The following ADCY3 variants were observed in gnomAD, a reference collection of about 807,000 sequenced individuals.
ADCY3 encodes adenylate cyclase type 3.
In ADCY3, 70 loss-of-function variants were observed where a neutral mutation model predicts 119.4. The observed-to-expected ratio is 0.59, with a 90% confidence interval of 0.48 to 0.72. ADCY3 has a LOEUF of 0.72. ADCY3 is among the 30% of genes least tolerant of loss of function. The probability of loss-of-function intolerance (pLI) is 0.00; values close to 1 mark genes in which losing one functional copy is unlikely to be tolerated. For synonymous variants in ADCY3, 672 were observed against 621.4 expected (o/e 1.08, Z -1.21); for missense variants, 1,238 against 1,541.6 (o/e 0.80, Z 3.30).
At chr2:24,887,905 T>C (rs1222039071) in intron 2 of ADCY3, among the ~76,000 whole-genome samples, 1 of 152,184 alleles carries the variant, frequency 6.6e-6, no homozygotes, top group East Asian at 1.9e-4. Context: ...GTGTTACCTA[T>C]TATTGTTAGG....
At chr2:24,909,242 T>C (rs1356214945) in intron 2 of ADCY3, among the ~76,000 whole-genome samples, 1 of 152,174 alleles carries the variant, frequency 6.6e-6, no homozygotes, top group Admixed American at 6.5e-5. Context: ...TCCTGCACCA[T>C]GTCGACTTCA....
At chr2:24,868,381 A>G (rs917073511) in intron 3 of ADCY3, among the ~76,000 whole-genome samples, 2 of 152,232 alleles carry the variant, frequency 1.3e-5, no homozygotes, top group Middle Eastern at 6.3e-3. Flanking sequence ...GGTCATCTGA[A>G]GTTCTATTTT....
chr2:24,828,253 G>C, intron 13 of ADCY3, 92 bp from the exon 14 acceptor site: 1 of 1,458,286 alleles, frequency 6.9e-7, no homozygotes, highest in Non-Finnish European at 9.3e-7. Flanking sequence ...ACGCTCAGCT[G>C]CCACCTCCCG....
At chr2:24,847,471 G>A (rs1351183358) in intron 3 of ADCY3, among the ~76,000 whole-genome samples, 3 of 152,194 alleles carry the variant, frequency 2.0e-5, no homozygotes, top group Non-Finnish European at 4.4e-5. Context: ...CTACAGCTCA[G>A]GAATGAGAAG....
At chr2:24,854,585 G>C (rs1672782581) in intron 3 of ADCY3, among the ~76,000 whole-genome samples, 1 of 152,184 alleles carries the variant, frequency 6.6e-6, no homozygotes, top group Non-Finnish European at 1.5e-5. Context: ...CTTTTGTTCT[G>C]CTGAAATCTG....
rs191047121 is a variant in ADCY3 at position 24,834,577 on chromosome 2, C to T, written c.1875G>A (p.Ser625=). The T allele has an allele frequency of 5.1e-5, 83 of 1,614,092 alleles. No individual in the cohort carries two copies. Among genetic ancestry groups the T allele is most frequent in the East Asian group, 1.1e-4 (5 of 44,866 alleles). ...CCCCACTCTGCTTCTCCTTCTCCAC[C>T]GAGTAGCGGGTTTCCATCTCGGGGT... ...FMDPEMETRY[S]VEKEKQSGAA... Residue 625 remains serine (S), a synonymous_variant, in exon 11 of 22, where the codon TCG becomes TCA. Coordinates refer to ENST00000679454, the MANE Select transcript of ADCY3 (RefSeq NM_004036.5). The surrounding 1 kb of genome is among the most constrained non-coding windows in gnomAD (Gnocchi z 4.2).
At chr2:24,905,626 C>T (rs1190704768) in intron 2 of ADCY3, among the ~76,000 whole-genome samples, 4 of 152,202 alleles carry the variant, frequency 2.6e-5, no homozygotes, top group Admixed American at 6.5e-5. Context: ...ACCAGGCGCC[C>T]TTGAGACATC....
At chr2:24,823,665 A>T (rs1668146259) in intron 17 of ADCY3, among the ~76,000 whole-genome samples, 1 of 149,412 alleles carries the variant, frequency 6.7e-6, no homozygotes, top group South Asian at 2.2e-4. Context: ...CCAACTCTGA[A>T]TAATTTAAAA....
intron 2 of ADCY3, among the ~76,000 whole-genome samples, chr2:24,879,337 G>A (rs376272513): frequency 3.9e-5 from 6 of 151,902 alleles, no homozygotes; most frequent in South Asian, 4.2e-4. Flanking sequence ...TTAGCCAGGC[G>A]TGGTGGGCAG....
Position 24,919,210 on chromosome 2 carries a change from GC to G in ADCY3, c.-197-27del. On this transcript the variant is annotated intron_variant, in intron 1 of 21. Transcript: ENST00000679454. This position sits in a 1 kb window ranked among gnomAD's most constrained non-coding sequence, Gnocchi z 5.5. Reference sequence around the variant, plus strand: ...CTGAAAAGGGCATTGCTGAGTAGAAGCACCTCTTCCCTCCTACCTTGCGGTT... The same window carrying G: ...CTGAAAAGGGCATTGCTGAGTAGAAGACCTCTTCCCTCCTACCTTGCGGTT... 1 of 564,408 alleles carries G rather than the reference GC, an allele frequency of 1.8e-6. No homozygotes were observed. The allele number at this position is 564,408 out of a possible 1,614,324, so 35.0% of individuals were successfully genotyped here.
chr2:24,878,563 G>A lies in ADCY3; in HGVS notation c.676-5844C>T, dbSNP rs1572968214. ...GACCTATGACGTTCTGCGGCTGGAG[G>A]CCAGCCGCACGGGAAACTCGTCATT... On this transcript the variant is annotated intron_variant, in intron 2 of 21. Transcript: ENST00000679454. This position sits in a 1 kb window ranked among gnomAD's most constrained non-coding sequence, Gnocchi z 4.0. Among the ~76,000 whole-genome samples the A allele has an allele frequency of 6.6e-6, 1 of 152,124 alleles. No homozygotes were observed. Among genetic ancestry groups the A allele is most frequent in the South Asian group, 2.1e-4 (1 of 4,824 alleles).
intron 15 of ADCY3, chr2:24,826,371 G>GC: frequency 2.1e-6 from 1 of 484,034 alleles, no homozygotes; most frequent in East Asian, 3.6e-5. Flanking sequence ...TCACATCAGG[G>GC]CTGCTCCCCA....
intron 2 of ADCY3, among the ~76,000 whole-genome samples, chr2:24,909,261 C>T (rs1663288400): frequency 6.6e-6 from 1 of 152,192 alleles, no homozygotes; most frequent in Non-Finnish European, 1.5e-5. Context: ...CATTCAGGTC[C>T]ACCAAGATGA....
intron 15 of ADCY3, 71 bp downstream of exon 15, chr2:24,827,475 G>T: frequency 6.6e-7 from 1 of 1,514,342 alleles, no homozygotes; most frequent in Non-Finnish European, 9.0e-7. Context: ...CCGGGGCTTG[G>T]GCCTGTTATA....
intron 11 of ADCY3, among the ~76,000 whole-genome samples, chr2:24,832,851 G>C (rs997585551): frequency 6.6e-6 from 1 of 152,070 alleles, no homozygotes; most frequent in South Asian, 2.1e-4. Flanking sequence ...CCTGATCTTT[G>C]CCTCTCCACT....
At chr2:24,822,027 T>G in intron 19 of ADCY3, 1 of 215,756 alleles carries the variant, frequency 4.6e-6, no homozygotes, top group Admixed American at 5.3e-5. Flanking sequence ...ACCTCATCCA[T>G]ATAATAGGGC....
intron 13 of ADCY3, among the ~76,000 whole-genome samples, chr2:24,829,083 C>G (rs1572808389): frequency 6.6e-6 from 1 of 151,228 alleles, no homozygotes; most frequent in South Asian, 2.1e-4. Flanking sequence ...GTGGTGCATT[C>G]TTGGCTCACT....
intron 3 of ADCY3, among the ~76,000 whole-genome samples, chr2:24,862,175 C>A (rs1673740490): frequency 6.6e-6 from 1 of 151,032 alleles, no homozygotes; most frequent in Non-Finnish European, 1.5e-5. Flanking sequence ...TGGGACTGTG[C>A]TAGGGTCTGG....
At chr2:24,831,865 G>GC (rs1342611520) in intron 11 of ADCY3, 116 bp from the exon 12 acceptor site, 3 of 404,596 alleles carry the variant, frequency 7.4e-6, no homozygotes, top group Admixed American at 3.1e-5. Flanking sequence ...CGGACAGGGG[G>GC]CAGGGGACAG....
Sources: gnomAD v4.1 joint callset for allele counts (sites outside exome capture counted in the v4.1 genomes callset) on GRCh38, gnomAD v4.1.1 for gene constraint, Gnocchi (gnomAD v3.1) non-coding constraint, MANE v1.5 for transcripts, NCBI Gene and HGNC (gene_info 2026-07-23, HGNC 2026-07-21) for gene names.